The following SIM1 variants were observed in gnomAD, a reference collection of about 807,000 sequenced individuals.
SIM1 encodes SIM bHLH transcription factor 1.
A neutral mutation model predicts 78.2 loss-of-function variants in SIM1; 18 were observed. The observed-to-expected ratio is 0.23, with a 90% CI of 0.16 to 0.34. The LOEUF is 0.34. Among genes scored for constraint, SIM1 ranks in the 10% least tolerant of loss-of-function variants. The probability of loss-of-function intolerance (pLI) is 1.00; values close to 1 mark genes in which losing one functional copy is unlikely to be tolerated. For missense variants in SIM1, 939 were observed against 975.1 expected (o/e 0.96, Z 0.49); for synonymous variants, 417 against 385.2 (o/e 1.08, Z -0.97).
At chr6:100,408,215 T>C (rs1003144469) in intron 10 of SIM1, among the ~76,000 whole-genome samples, 3 of 152,116 alleles carry the variant, frequency 2.0e-5, no homozygotes, top group African/African-American at 7.2e-5. Context: ...CTTTTCCCCA[T>C]TTTGCATTCT....
At chr6:100,453,626 T>C in intron 3 of SIM1, 136 bp downstream of exon 3, 1 of 695,008 alleles carries the variant, frequency 1.4e-6, no homozygotes, top group South Asian at 2.0e-5. Context: ...CCACGTGCAG[T>C]CCGGATCCCT....
intron 9 of SIM1, among the ~76,000 whole-genome samples, chr6:100,443,225 G>A (rs1446751310): frequency 6.6e-6 from 1 of 152,016 alleles, no homozygotes; most frequent in African/African-American, 2.4e-5. Context: ...CACAGAAATA[G>A]AAGTTTTAAC....
intron 10 of SIM1, among the ~76,000 whole-genome samples, chr6:100,397,641 A>G (rs1052596071): frequency 6.6e-6 from 1 of 152,150 alleles, no homozygotes; most frequent in South Asian, 2.1e-4. Flanking sequence ...TTGACAACAA[A>G]AACACAATCC....
intron 9 of SIM1, among the ~76,000 whole-genome samples, chr6:100,443,228 G>A (rs1216043515): frequency 6.6e-6 from 1 of 152,004 alleles, no homozygotes; most frequent in Non-Finnish European, 1.5e-5. Flanking sequence ...AGAAATAGAA[G>A]TTTTAACATA....
Position 100,449,374 on chromosome 6 carries a change from C to T in SIM1, c.532G>A (p.Gly178Ser). Residue 178 changes from glycine to serine, a missense_variant, in exon 6 of 12, where the codon GGC (glycine) becomes AGC (serine). This residue lies in a region of SIM1 where 187 missense variants were observed against 191.6 expected (regional missense o/e 0.98). Coordinates refer to ENST00000369208, the MANE Select transcript of SIM1 (RefSeq NM_005068.3). ...LAKRNAGLTCGGYKVIHCSGY... is the reference protein window; with the variant it reads ...LAKRNAGLTCSGYKVIHCSGY... ...TTCCAGCTACGCACCTTGTAGCCGC[C>T]ACAGGTGAGGCCGGCGTTACGCTTG... 1 of 1,613,796 alleles carries T rather than the reference C, an allele frequency of 6.2e-7. No individual in the cohort carries two copies. The highest frequency in any genetic ancestry group is 8.5e-7 in the Non-Finnish European group (1 of 1,179,826).
At chr6:100,438,347 A>C (rs1317351495) in intron 9 of SIM1, among the ~76,000 whole-genome samples, 1 of 152,226 alleles carries the variant, frequency 6.6e-6, no homozygotes, top group Non-Finnish European at 1.5e-5. Context: ...ACAGCCAACA[A>C]ACGTATGAAG....
At chr6:100,447,473 A>C in intron 8 of SIM1, 58 bp from the exon 9 acceptor site, 1 of 1,598,402 alleles carries the variant, frequency 6.3e-7, no homozygotes, top group Non-Finnish European at 8.6e-7. Flanking sequence ...ACTGGCCCCA[A>C]ATGCAATCCC....
chr6:100,441,087 G>A (rs1050336418), intron 9 of SIM1, among the ~76,000 whole-genome samples: 8 of 152,202 alleles, frequency 5.3e-5, no homozygotes, highest in Admixed American at 5.2e-4. Context: ...GCCAGACTAA[G>A]AGAAAGCCAG....
intron 9 of SIM1, among the ~76,000 whole-genome samples, chr6:100,435,202 A>G (rs1772012654): frequency 6.6e-6 from 1 of 152,166 alleles, no homozygotes; most frequent in African/African-American, 2.4e-5. Flanking sequence ...AAAAGAGAGT[A>G]AACTGTCCAT....
chr6:100,412,707 GAAAGAA>G (rs1771267502), intron 10 of SIM1, among the ~76,000 whole-genome samples: 1 of 117,412 alleles, frequency 8.5e-6, no homozygotes, highest in Non-Finnish European at 1.8e-5. Flanking sequence ...AAGAAAGAAA[GAAAGAA>G]AGAAAGAAAG....
intron 2 of SIM1, among the ~76,000 whole-genome samples, chr6:100,460,108 T>G (rs532743198): frequency 6.6e-6 from 1 of 152,344 alleles, no homozygotes; most frequent in African/African-American, 2.4e-5. Context: ...TGCTTTATTC[T>G]TAATTATTCC....
At chr6:100,441,244 T>A (rs1034126804) in intron 9 of SIM1, among the ~76,000 whole-genome samples, 1 of 152,052 alleles carries the variant, frequency 6.6e-6, no homozygotes. Flanking sequence ...GAGGGAGAAG[T>A]AGTTGGATAG....
At chr6:100,396,612 C>T (rs1421017838) in intron 10 of SIM1, among the ~76,000 whole-genome samples, 1 of 152,126 alleles carries the variant, frequency 6.6e-6, no homozygotes, top group Non-Finnish European at 1.5e-5. Flanking sequence ...TAGTCCAAGA[C>T]CTCACACTGC....
At position 100,385,844 on chromosome 6, in the gene SIM1, C is replaced by A. The variant is rs935767951; in HGVS notation, c.*4517G>T. 6.6e-6 allele frequency: 1 copy of A among 151,790 alleles called. No individual in the cohort carries two copies. The highest frequency in any genetic ancestry group is 2.1e-4 in the South Asian group (1 of 4,818). 9.4% of individuals were successfully genotyped at this position (151,790 alleles called of 1,614,324 possible). The stretch of plus-strand genomic sequence containing the variant: ...TGAGCAAACCCCTATTTGGCAATGA[C>A]CACACTCTCACTTTTTGAGTTAAGC... On this transcript the variant is annotated 3_prime_UTR_variant, in exon 12 of 12. Coordinates refer to ENST00000369208, the MANE Select transcript of SIM1 (RefSeq NM_005068.3).
chr6:100,401,908 A>G (rs1446340468), intron 10 of SIM1, among the ~76,000 whole-genome samples: 3 of 152,212 alleles, frequency 2.0e-5, no homozygotes, highest in African/African-American at 7.2e-5. Flanking sequence ...ATGAAAATAT[A>G]AAGTTATCAA....
chr6:100,450,694 TCTCACACACACACA>T (rs1221692800), intron 3 of SIM1, among the ~76,000 whole-genome samples: 2 of 93,226 alleles, frequency 2.1e-5, no homozygotes, highest in South Asian at 4.3e-4. Context: ...TCTCTCTCTC[TCTCACACACACACA>T]CACACACACA....
rs1290508938 is a variant in SIM1, at chr6:100,391,038, C to T, written c.1624G>A (p.Ala542Thr). The part of the protein sequence containing the change: ...SVVSSPDPGS[A>T]SESGDRYRTE... Reference sequence around the variant, plus strand: ...CGATATCGGTCACCTGATTCACTGGCCGACCCAGGGTCTGGAGAACTGACC... The same window carrying T: ...CGATATCGGTCACCTGATTCACTGGTCGACCCAGGGTCTGGAGAACTGACC... Residue 542 changes from alanine to threonine, a missense_variant, in exon 12 of 12, where the codon GCC becomes ACC. Physicochemically the swap from Ala to Thr is moderately conservative, Grantham distance 58. Around this residue, in one of 5 missense-constraint regions of SIM1, gnomAD observed 556 missense variants for 521.9 expected, o/e 1.07. Transcript: ENST00000369208. 6.2e-7 allele frequency: 1 copy of T among 1,613,994 alleles called. No homozygotes were observed. The highest frequency in any genetic ancestry group is 8.5e-7 in the Non-Finnish European group (1 of 1,179,980).
intron 3 of SIM1, among the ~76,000 whole-genome samples, 187 bp downstream of exon 3, chr6:100,453,575 C>G (rs1015677367): frequency 2.0e-5 from 3 of 152,174 alleles, no homozygotes; most frequent in African/African-American, 7.2e-5. Flanking sequence ...TCTGCAAAAG[C>G]TAAAATTTTA....
intron 9 of SIM1, among the ~76,000 whole-genome samples, chr6:100,438,171 C>A (rs1242179578): frequency 6.6e-6 from 1 of 152,028 alleles, no homozygotes; most frequent in Non-Finnish European, 1.5e-5. Flanking sequence ...AGAATAAACA[C>A]ACAACACACA....
Sources: allele counts gnomAD v4.1 joint callset (sites outside exome capture counted in the v4.1 genomes callset), GRCh38; gene constraint gnomAD v4.1.1; regional missense constraint gnomAD v4.1.1; transcripts MANE v1.5; gene names NCBI Gene and HGNC (gene_info 2026-07-23, HGNC 2026-07-21).